ARHGAP10: variants seen among roughly 807,000 people sequenced by gnomAD.
ARHGAP10 encodes the protein Rho GTPase activating protein 10, also known as rho GTPase-activating protein 10.
In ARHGAP10, 87 loss-of-function variants were observed where a neutral mutation model predicts 108.6. The ratio of observed to expected loss-of-function variants is 0.80; its 90% CI spans 0.67 to 0.96. The LOEUF is 0.96. Among genes scored for constraint, ARHGAP10 ranks in the 40% least tolerant of loss-of-function variants. ARHGAP10 has a pLI of 0.00. For missense variants in ARHGAP10, 939 were observed against 954.5 expected (o/e 0.98, Z 0.21); for synonymous variants, 347 against 341.1 (o/e 1.02, Z -0.19).
At chr4:147,872,818 T>C (rs930944853) in intron 7 of ARHGAP10, among the ~76,000 whole-genome samples, 1 of 152,220 alleles carries the variant, frequency 6.6e-6, no homozygotes, top group African/African-American at 2.4e-5. Context: ...GAAGAGTTGC[T>C]GTCACAGGAG....
chr4:147,833,042 A>G (rs903708154), intron 3 of ARHGAP10, among the ~76,000 whole-genome samples: 4 of 152,340 alleles, frequency 2.6e-5, no homozygotes, highest in Admixed American at 2.0e-4. Context: ...GTATCCAAAG[A>G]GTGGGTGCCT....
At chr4:147,845,867 C>T (rs1293545266) in intron 3 of ARHGAP10, among the ~76,000 whole-genome samples, 2 of 152,074 alleles carry the variant, frequency 1.3e-5, no homozygotes, top group African/African-American at 4.8e-5. Context: ...GTGGGACATT[C>T]CATATTATTT....
intron 1 of ARHGAP10, among the ~76,000 whole-genome samples, chr4:147,808,167 G>A (rs1250560633): frequency 6.6e-6 from 1 of 152,128 alleles, no homozygotes; most frequent in Non-Finnish European, 1.5e-5. Flanking sequence ...ACAACTGTGG[G>A]ACCCCAGTTA....
At chr4:147,785,737 T>C (rs999633384) in intron 1 of ARHGAP10, among the ~76,000 whole-genome samples, 1 of 152,178 alleles carries the variant, frequency 6.6e-6, no homozygotes, top group Non-Finnish European at 1.5e-5. Flanking sequence ...GCTGTGACTT[T>C]GGCCAATTAG....
At chr4:147,820,168 A>G (rs890534754) in intron 1 of ARHGAP10, among the ~76,000 whole-genome samples, 7 of 152,180 alleles carry the variant, frequency 4.6e-5, no homozygotes, top group African/African-American at 1.7e-4. Context: ...AATAGCAAGT[A>G]AAGGGTTTTC....
rs1437383455 is a variant in ARHGAP10, at chr4:148,017,682, A to ATATG, written c.1717-5580_1717-5579insATGT. ...TATATATATATATATATATATATATATGTGTGTGTATGTAAAGGAATTCAG... is the reference window on the plus strand; with the variant it reads ...TATATATATATATATATATATATATATATGTGTGTGTGTATGTAAAGGAATTCAG... On this transcript the variant is annotated intron_variant, in intron 18 of 22. Transcript: ENST00000336498. 2.6e-3 allele frequency among the ~76,000 whole-genome samples: 352 copies of ATATG among 135,200 alleles called. 2 individuals are homozygous for ATATG. Among genetic ancestry groups the ATATG allele is most frequent in the Non-Finnish European group, 2.8e-3 (181 of 64,048 alleles). The allele number at this position is 135,200 out of a possible 152,430, so 88.7% of individuals were successfully genotyped here. A position where few individuals can be genotyped will look rare whatever the true frequency, so the allele number is the denominator to read the frequency against.
intron 13 of ARHGAP10, among the ~76,000 whole-genome samples, chr4:147,937,564 A>G (rs1183327037): frequency 6.6e-6 from 1 of 152,220 alleles, no homozygotes; most frequent in Non-Finnish European, 1.5e-5. Flanking sequence ...CTTTGGGTAT[A>G]TACCCAGTAA....
chr4:147,992,490 C>T (rs1740315816), intron 18 of ARHGAP10, among the ~76,000 whole-genome samples: 1 of 152,188 alleles, frequency 6.6e-6, no homozygotes, highest in Non-Finnish European at 1.5e-5. Context: ...TTACTGCAAC[C>T]TCCGCCTCCC....
chr4:148,010,093 C>T (rs1361000672), intron 18 of ARHGAP10, among the ~76,000 whole-genome samples: 1 of 152,136 alleles, frequency 6.6e-6, no homozygotes, highest in Non-Finnish European at 1.5e-5. Context: ...GTTATGTTTT[C>T]CATTCCCCTC....
intron 19 of ARHGAP10, among the ~76,000 whole-genome samples, chr4:148,034,992 C>T (rs974913876): frequency 1.3e-5 from 2 of 152,166 alleles, no homozygotes; most frequent in African/African-American, 4.8e-5. Flanking sequence ...ATTGACATTG[C>T]AACTGAACTG....
chr4:147,914,959 G>C (rs1029718887), intron 13 of ARHGAP10, among the ~76,000 whole-genome samples: 1 of 152,138 alleles, frequency 6.6e-6, no homozygotes, highest in East Asian at 1.9e-4. Context: ...TCTGGAGGTT[G>C]ACATTCTCTT....
At chr4:147,990,820 C>A (rs6849257) in intron 18 of ARHGAP10, among the ~76,000 whole-genome samples, 1 of 151,834 alleles carries the variant, frequency 6.6e-6, no homozygotes. Flanking sequence ...GCCTATTAGA[C>A]CCTGGGCAAC....
intron 3 of ARHGAP10, among the ~76,000 whole-genome samples, chr4:147,835,491 G>A (rs559716786): frequency 6.6e-6 from 1 of 151,176 alleles, no homozygotes; most frequent in African/African-American, 2.4e-5. Context: ...TCCTGCCTCA[G>A]TCTCCCTGAG....
intron 18 of ARHGAP10, among the ~76,000 whole-genome samples, chr4:148,003,897 AG>A (rs762349368): frequency 2.6e-5 from 4 of 152,134 alleles, no homozygotes; most frequent in Non-Finnish European, 5.9e-5. Context: ...TCTGAGTGTA[AG>A]CCTAAATCAG....
chr4:147,807,710 A>G (rs1731846910), intron 1 of ARHGAP10, among the ~76,000 whole-genome samples: 2 of 152,264 alleles, frequency 1.3e-5, no homozygotes, highest in Non-Finnish European at 2.9e-5. Context: ...ATGGCATTTT[A>G]TACCAGAGAC....
At chr4:148,018,347 T>C (rs1000608940) in intron 18 of ARHGAP10, among the ~76,000 whole-genome samples, 2 of 152,292 alleles carry the variant, frequency 1.3e-5, no homozygotes, top group Admixed American at 6.5e-5. Context: ...AGTTCCAGAA[T>C]TGGCAAATCA....
At chr4:147,808,139 C>T (rs1185925724) in intron 1 of ARHGAP10, among the ~76,000 whole-genome samples, 1 of 152,058 alleles carries the variant, frequency 6.6e-6, no homozygotes, top group African/African-American at 2.4e-5. Context: ...CTGTGTGCAT[C>T]TACTTTATAT....
chr4:147,869,314 G>A (rs975192989), intron 7 of ARHGAP10, among the ~76,000 whole-genome samples: 8 of 152,100 alleles, frequency 5.3e-5, no homozygotes, highest in South Asian at 2.1e-4. Context: ...TGCACGGCTC[G>A]TTTATTTGTG....
At chr4:147,849,454 A>C (rs1733771894) in intron 4 of ARHGAP10, among the ~76,000 whole-genome samples, 1 of 152,202 alleles carries the variant, frequency 6.6e-6, no homozygotes, top group Admixed American at 6.5e-5. Context: ...CTTACATGGG[A>C]TACTTCAAAA....
Sources: allele counts gnomAD v4.1 joint callset (sites outside exome capture counted in the v4.1 genomes callset), GRCh38; gene constraint gnomAD v4.1.1; transcripts MANE v1.5; gene names NCBI Gene and HGNC (gene_info 2026-07-23, HGNC 2026-07-21).